Variants in PSMD1 observed in about 807,000 individuals in gnomAD.
PSMD1 encodes the protein proteasome 26S subunit, non-ATPase 1.
A neutral mutation model predicts 119.0 loss-of-function variants in PSMD1; 18 were observed. That is an observed-to-expected ratio of 0.15 (90% CI 0.10 to 0.22). PSMD1 has a LOEUF of 0.22. PSMD1 is among the 10% of genes least tolerant of loss of function. The pLI is 1.00. For synonymous variants in PSMD1, 374 were observed against 396.6 expected (o/e 0.94, Z 0.68); for missense variants, 702 against 1,158.5 (o/e 0.61, Z 5.72).
At chr2:231,059,616 C>A (rs1032171137) in intron 1 of PSMD1, among the ~76,000 whole-genome samples, 1 of 152,058 alleles carries the variant, frequency 6.6e-6, no homozygotes, top group Non-Finnish European at 1.5e-5. Flanking sequence ...AACAATAGTC[C>A]CCCACCTCAC....
chr2:231,153,722 AC>A (rs1438777142), intron 19 of PSMD1, 56 bp downstream of exon 19: 5 of 1,205,232 alleles, frequency 4.1e-6, no homozygotes, highest in Non-Finnish European at 6.0e-6. Flanking sequence ...TAATAAAATA[AC>A]TATCTGCTCT....
chr2:231,152,908 T>C (rs927912088), intron 18 of PSMD1, among the ~76,000 whole-genome samples: 10 of 152,194 alleles, frequency 6.6e-5, no homozygotes, highest in Non-Finnish European at 1.5e-4. Context: ...TTTATAAATA[T>C]ATGTTCTAAT....
chr2:231,077,309 C>A, intron 9 of PSMD1, 147 bp downstream of exon 9: 1 of 639,116 alleles, frequency 1.6e-6, no homozygotes, highest in Non-Finnish European at 2.4e-6. Context: ...AAATAGCAAT[C>A]AATTATCCTC....
At chr2:231,128,619 A>G (rs1179111197) in intron 16 of PSMD1, among the ~76,000 whole-genome samples, 1 of 152,178 alleles carries the variant, frequency 6.6e-6, no homozygotes, top group Non-Finnish European at 1.5e-5. Flanking sequence ...GGATCATGTT[A>G]TCATTCCTTT....
At chr2:231,103,914 A>C (rs1694924822) in intron 16 of PSMD1, among the ~76,000 whole-genome samples, 1 of 152,192 alleles carries the variant, frequency 6.6e-6, no homozygotes, top group East Asian at 1.9e-4. Context: ...TGTAGAGATT[A>C]GACACAATTA....
intron 16 of PSMD1, among the ~76,000 whole-genome samples, chr2:231,093,270 A>G (rs1234757277): frequency 1.3e-5 from 2 of 152,202 alleles, no homozygotes; most frequent in Admixed American, 6.5e-5. Context: ...TTAATACCCT[A>G]TGAGAGTTGC....
intron 4 of PSMD1, among the ~76,000 whole-genome samples, 153 bp from the exon 5 acceptor site, chr2:231,066,753 A>G (rs1329826518): frequency 1.3e-5 from 2 of 152,222 alleles, no homozygotes; most frequent in African/African-American, 4.8e-5. Context: ...TTATGGGAGA[A>G]CAGTATTCAA....
chr2:231,141,197 G>A (rs561786420), intron 17 of PSMD1, among the ~76,000 whole-genome samples: 53 of 151,766 alleles, frequency 3.5e-4, no homozygotes, highest in Middle Eastern at 3.4e-3. Flanking sequence ...CCAGATACTC[G>A]GGAGGCTGAG....
At chr2:231,098,513 CTCT>C (rs1432379368) in intron 16 of PSMD1, among the ~76,000 whole-genome samples, 3 of 151,458 alleles carry the variant, frequency 2.0e-5, no homozygotes, top group East Asian at 1.9e-4. Context: ...CTTTTTCTGT[CTCT>C]TCTTCTCTTT....
At chr2:231,167,134 G>A (rs149187252) in intron 23 of PSMD1, among the ~76,000 whole-genome samples, 3,118 of 152,216 alleles carry the variant, frequency 0.02, 45 homozygotes, top group Non-Finnish European at 0.036. Context: ...CTGATCTGTA[G>A]TAGTTGCTGT....
In PSMD1 at chr2:231,097,000, A is replaced by G. The variant is rs1156564865; in HGVS notation, c.1883+9819A>G. On this transcript the variant is annotated intron_variant, in intron 16 of 24. Transcript: ENST00000308696. ...AAAAGTAGAAGGCAAAGAATTGAAC[A>G]TACTGACATATTCTTTGAAAACAAA... Among the ~76,000 whole-genome samples, 4 of 152,382 alleles carry G rather than the reference A, an allele frequency of 2.6e-5. No homozygotes were observed. In the East Asian group the frequency reaches 5.8e-4, roughly 22 times the overall value.
chr2:231,068,261 G>A (rs985284332), intron 5 of PSMD1, among the ~76,000 whole-genome samples: 3 of 152,078 alleles, frequency 2.0e-5, no homozygotes, highest in Non-Finnish European at 4.4e-5. Flanking sequence ...GTTTAGCGTC[G>A]ATAATACGAT....
chr2:231,111,234 A>C (rs1221011404), intron 16 of PSMD1, among the ~76,000 whole-genome samples: 1 of 152,192 alleles, frequency 6.6e-6, no homozygotes, highest in Non-Finnish European at 1.5e-5. Context: ...CTACAAGTCT[A>C]CTTAGAACAA....
At position 231,140,142 on chromosome 2, in the gene PSMD1, T is replaced by C. The variant is rs1157339762; in HGVS notation, c.1998+1292T>C. Among the ~76,000 whole-genome samples, 8 of 152,188 alleles carry C rather than the reference T, an allele frequency of 5.3e-5. No individual in the cohort carries two copies. In the East Asian group the frequency reaches 1.5e-3, roughly 29 times the overall value. ...AAAACAAAACATAGTTGTAAGTTTA[T>C]GGACTGATTCCAGGAATCTAAAAAT... On this transcript the variant is annotated intron_variant, in intron 17 of 24. Coordinates refer to ENST00000308696, the MANE Select transcript of PSMD1 (RefSeq NM_002807.4).
intron 1 of PSMD1, 70 bp downstream of exon 1, chr2:231,057,111 G>C: frequency 7.0e-7 from 1 of 1,424,796 alleles, no homozygotes; most frequent in Non-Finnish European, 9.1e-7. Context: ...CTGAGTCAGG[G>C]CCGGTGACTG....
chr2:231,162,134 G>A (rs969470753), intron 20 of PSMD1, among the ~76,000 whole-genome samples: 2 of 152,228 alleles, frequency 1.3e-5, no homozygotes, highest in African/African-American at 4.8e-5. Context: ...TTAAGGCACT[G>A]CGTGCCCTGT....
chr2:231,104,034 T>G (rs892405944), intron 16 of PSMD1, among the ~76,000 whole-genome samples: 21 of 152,252 alleles, frequency 1.4e-4, no homozygotes, highest in African/African-American at 4.6e-4. Context: ...GGTATACCCT[T>G]AGTATCTCTT....
At chr2:231,058,810 T>C (rs1693680756) in intron 1 of PSMD1, among the ~76,000 whole-genome samples, 1 of 152,222 alleles carries the variant, frequency 6.6e-6, no homozygotes, top group Non-Finnish European at 1.5e-5. Context: ...TCTAGTCTTC[T>C]CTTCCTCAGA....
At chr2:231,118,955 A>G (rs985042420) in intron 16 of PSMD1, among the ~76,000 whole-genome samples, 4 of 151,844 alleles carry the variant, frequency 2.6e-5, no homozygotes, top group African/African-American at 9.6e-5. Context: ...AGAAATTCTA[A>G]TGCTTCTGTC....
Sources: gnomAD v4.1 joint callset for allele counts (sites outside exome capture counted in the v4.1 genomes callset) on GRCh38, gnomAD v4.1.1 for gene constraint, MANE v1.5 for transcripts, NCBI Gene and HGNC (gene_info 2026-07-23, HGNC 2026-07-21) for gene names.